The following FSTL5 variants were observed in gnomAD, a reference collection of about 807,000 sequenced individuals.
The protein encoded by FSTL5 is follistatin like 5.
In FSTL5, 62 loss-of-function variants were observed where a neutral mutation model predicts 89.1. That is an observed-to-expected ratio of 0.70 (90% CI 0.57 to 0.86). FSTL5 has a LOEUF of 0.86. FSTL5 is among the 40% of genes least tolerant of loss of function. The pLI is 0.00. For missense variants in FSTL5, 1,057 were observed against 1,001.6 expected (o/e 1.06, Z -0.75); for synonymous variants, 383 against 346.2 (o/e 1.11, Z -1.18).
chr4:162,111,500 A>G lies in FSTL5; in HGVS notation c.-16-88T>C, dbSNP rs932972477. 9 of 990,764 alleles carry G rather than the reference A, an allele frequency of 9.1e-6. No homozygotes were observed. In the African/African-American group the frequency reaches 9.8e-5, roughly 11 times the overall value. The allele number at this position is 990,764 out of a possible 1,614,324, so 61.4% of individuals were successfully genotyped here. A position where few individuals can be genotyped will look rare whatever the true frequency, so the allele number is the denominator to read the frequency against. On this transcript the variant is annotated intron_variant, in intron 1 of 15. Coordinates refer to ENST00000306100, the MANE Select transcript of FSTL5 (RefSeq NM_020116.5). ...ATGAAATATTTAATATCACATATAA[A>G]TCTCCATTAATCTAATCAAAACTTG...
intron 4 of FSTL5, among the ~76,000 whole-genome samples, chr4:161,894,730 G>C (rs183985789): frequency 2.0e-5 from 3 of 152,284 alleles, no homozygotes; most frequent in African/African-American, 7.2e-5. Context: ...CTCCCAAAGT[G>C]CTGGGATTAC....
chr4:161,934,248 T>G (rs1734371550), intron 3 of FSTL5, among the ~76,000 whole-genome samples: 2 of 152,112 alleles, frequency 1.3e-5, no homozygotes, highest in African/African-American at 2.4e-5. Flanking sequence ...ATGTTTATAG[T>G]TCTAGCAAAC....
chr4:161,510,416 T>A lies in FSTL5; in HGVS notation c.1321A>T (p.Ile441Leu). The change falls in exon 11 of 16, where the codon ATA (isoleucine) becomes TTA (leucine). Residue 441 changes from isoleucine to leucine, a missense_variant. Ile to Leu is a conservative substitution (Grantham distance 5). Coordinates refer to ENST00000306100, the MANE Select transcript of FSTL5 (RefSeq NM_020116.5). ...TTAGTACCTTCTTCTCTCCATAATA[T>A]GTTAGCTACTGCAGCATGTTGAAAG... is the stretch of plus-strand genomic sequence containing the variant. ...EDSARKTLAN[I>L]LWREEGLGIG... 6.5e-7 allele frequency: 1 copy of A among 1,537,386 alleles called. No individual in the cohort carries two copies. The highest frequency in any genetic ancestry group is 1.4e-5 in the African/African-American group (1 of 71,266).
At chr4:161,505,434 C>T (rs565337939) in intron 11 of FSTL5, among the ~76,000 whole-genome samples, 2 of 152,200 alleles carry the variant, frequency 1.3e-5, no homozygotes, top group South Asian at 4.1e-4. Context: ...CTTTTTTAGG[C>T]CCTGTTAATC....
At chr4:161,964,260 A>C (rs1425463472) in intron 3 of FSTL5, among the ~76,000 whole-genome samples, 19 of 152,024 alleles carry the variant, frequency 1.2e-4, no homozygotes, top group Non-Finnish European at 1.5e-5. Context: ...CTCAGATTTA[A>C]CCTCTAGCAG....
At chr4:162,028,074 C>T (rs1578961552) in intron 3 of FSTL5, among the ~76,000 whole-genome samples, 1 of 152,076 alleles carries the variant, frequency 6.6e-6, no homozygotes, top group South Asian at 2.1e-4. Flanking sequence ...TTCAGCATTA[C>T]TGCTTGATAA....
At chr4:161,731,786 T>C (rs6824730) in intron 6 of FSTL5, among the ~76,000 whole-genome samples, 6,337 of 151,538 alleles carry the variant, frequency 0.042, 281 homozygotes, top group South Asian at 0.16. Flanking sequence ...TTTTACTCAG[T>C]CTAATAATTT....
At chr4:161,562,298 A>T (rs886882286) in intron 8 of FSTL5, among the ~76,000 whole-genome samples, 2 of 151,968 alleles carry the variant, frequency 1.3e-5, no homozygotes, top group African/African-American at 4.8e-5. Flanking sequence ...ACGCAGGATG[A>T]TTTTGACAAT....
At chr4:161,974,483 G>C (rs1388694635) in intron 3 of FSTL5, among the ~76,000 whole-genome samples, 6 of 134,114 alleles carry the variant, frequency 4.5e-5, no homozygotes, top group Admixed American at 1.6e-4. Flanking sequence ...ACAAACCTGA[G>C]AAAAACAAGC....
chr4:161,981,084 C>T (rs989343684), intron 3 of FSTL5, among the ~76,000 whole-genome samples: 2 of 152,044 alleles, frequency 1.3e-5, no homozygotes, highest in Admixed American at 1.3e-4. Context: ...TTTTGCAAAA[C>T]AGCATATATG....
chr4:161,543,598 C>A (rs1223971923), intron 8 of FSTL5, among the ~76,000 whole-genome samples: 2 of 151,884 alleles, frequency 1.3e-5, no homozygotes, highest in African/African-American at 4.8e-5. Context: ...GTAATCAAAG[C>A]AGTGCAATCC....
chr4:161,591,153 T>C (rs1388934228), intron 7 of FSTL5, among the ~76,000 whole-genome samples: 1 of 152,304 alleles, frequency 6.6e-6, no homozygotes, highest in East Asian at 1.9e-4. Context: ...CTTTTCAGCC[T>C]TAGGGCCTTT....
chr4:162,054,156 G>C (rs967043279), intron 2 of FSTL5, among the ~76,000 whole-genome samples: 1 of 150,840 alleles, frequency 6.6e-6, no homozygotes, highest in Non-Finnish European at 1.5e-5. Context: ...ATTTATATTA[G>C]AAAATTTAGT....
chr4:161,393,880 A>G (rs1444488188), intron 15 of FSTL5, among the ~76,000 whole-genome samples: 2 of 152,126 alleles, frequency 1.3e-5, no homozygotes, highest in African/African-American at 4.8e-5. Context: ...ACTCCTTGCA[A>G]TCTCCAGTCA....
At chr4:161,443,266 C>T (rs981571898) in intron 15 of FSTL5, among the ~76,000 whole-genome samples, 8 of 152,030 alleles carry the variant, frequency 5.3e-5, no homozygotes, top group Admixed American at 4.6e-4. Flanking sequence ...TTATGTCAAG[C>T]GCTCTCCTTC....
chr4:161,404,255 A>G (rs1246321081), intron 15 of FSTL5, among the ~76,000 whole-genome samples: 1 of 152,220 alleles, frequency 6.6e-6, no homozygotes, highest in African/African-American at 2.4e-5. Flanking sequence ...AGCGTGGGTC[A>G]ATTGATTACA....
intron 10 of FSTL5, among the ~76,000 whole-genome samples, chr4:161,516,040 G>A (rs1487700667): frequency 6.6e-6 from 1 of 150,496 alleles, no homozygotes. Context: ...GCATGACCTT[G>A]TGAACAAGCT....
intron 4 of FSTL5, among the ~76,000 whole-genome samples, chr4:161,852,457 A>G (rs1308745428): frequency 6.6e-6 from 1 of 152,158 alleles, no homozygotes; most frequent in Non-Finnish European, 1.5e-5. Flanking sequence ...AAAGTATAGA[A>G]ACAACTGATT....
chr4:161,778,092 TCACACACA>T (rs71598736), intron 4 of FSTL5, among the ~76,000 whole-genome samples: 60 of 147,940 alleles, frequency 4.1e-4, no homozygotes, highest in South Asian at 1.3e-3. Context: ...AGACTCCGTA[TCACACACA>T]CACACACACA....
Sources: gnomAD v4.1 joint callset for allele counts (sites outside exome capture counted in the v4.1 genomes callset) on GRCh38, gnomAD v4.1.1 for gene constraint, MANE v1.5 for transcripts, NCBI Gene and HGNC (gene_info 2026-07-23, HGNC 2026-07-21) for gene names.